BRSK2: variants seen among roughly 807,000 people sequenced by gnomAD.
The protein encoded by BRSK2 is serine/threonine-protein kinase BRSK2.
Under a neutral mutation model 83.3 loss-of-function variants are expected in BRSK2, and 19 were observed. The ratio of observed to expected loss-of-function variants is 0.23; its 90% CI spans 0.16 to 0.33. BRSK2 has a LOEUF of 0.33. Ranked by LOEUF, BRSK2 falls within the 10% of genes least tolerant of loss-of-function variation. BRSK2 has a pLI of 1.00. For missense variants in BRSK2, 798 were observed against 1,042.3 expected (o/e 0.77, Z 3.23); for synonymous variants, 519 against 435.4 (o/e 1.19, Z -2.39).
Position 1,445,864 on chromosome 11 carries a change from G to A in BRSK2, c.1183G>A (p.Val395Met). The A allele has an allele frequency of 1.2e-6, 2 of 1,611,984 alleles. No individual in the cohort carries two copies. Among genetic ancestry groups the A allele is most frequent in the African/African-American group, 1.3e-5 (1 of 75,048 alleles). ...CAGCGTGACGGACGGCGGCTCCCCG[G>A]TGCCTGCGCGGCGGGCCATTGAGAT... ...VLSVTDGGSP[V>M]PARRAIEMAQ... The change falls in exon 12 of 20, where the codon GTG becomes ATG. Residue 395 changes from valine to methionine, a missense_variant. Physicochemically the swap from Val to Met is conservative, Grantham distance 21 (BLOSUM62 1). Around this residue, in one of 6 missense-constraint regions of BRSK2, gnomAD observed 51 missense variants for 52.6 expected, o/e 0.97. Transcript: ENST00000528841.
chr11:1,403,041 C>A (rs1846598981), intron 1 of BRSK2, among the ~76,000 whole-genome samples: 1 of 152,158 alleles, frequency 6.6e-6, no homozygotes, highest in Non-Finnish European at 1.5e-5. Flanking sequence ...GGCGGGACCC[C>A]CCGGGGCCAC....
chr11:1,443,289 CGCCCT>C (rs776875093), intron 6 of BRSK2, 41 bp from the exon 7 acceptor site: 6 of 1,565,322 alleles, frequency 3.8e-6, no homozygotes, highest in Non-Finnish European at 2.6e-6. Context: ...CCAAGGCCCC[CGCCCT>C]GCCCTGCGCC....
At position 1,442,622 on chromosome 11, in the gene BRSK2, C is replaced by G. The variant is rs779677513; in HGVS notation, c.530+16C>G. ...CCAGCTGTGGGTACGTGGCCCTCTG[C>G]CCTGGAGAGAGGCTGGGGGACAGGC... On this transcript the variant is annotated intron_variant, in intron 5 of 19. Coordinates refer to ENST00000528841, the MANE Select transcript of BRSK2 (RefSeq NM_001256627.2). 4 of 1,588,270 alleles carry G rather than the reference C, an allele frequency of 2.5e-6. No individual in the cohort carries two copies. In the Admixed American group the frequency reaches 6.7e-5, roughly 27 times the overall value.
chr11:1,456,908 T>C (rs1317373407), intron 18 of BRSK2: 1 of 1,579,506 alleles, frequency 6.3e-7, no homozygotes, highest in Non-Finnish European at 8.6e-7. Context: ...GCCAGGGACA[T>C]AGGGCGCAGC....
chr11:1,434,779 TC>T (rs1321096499), intron 1 of BRSK2, among the ~76,000 whole-genome samples: 1 of 151,964 alleles, frequency 6.6e-6, no homozygotes, highest in Non-Finnish European at 1.5e-5. Context: ...GATAACCTGA[TC>T]CCCCCATGGT....
chr11:1,433,748 C>T (rs76355760), intron 1 of BRSK2, among the ~76,000 whole-genome samples: 3,863 of 152,330 alleles, frequency 0.025, 112 homozygotes, highest in African/African-American at 0.074. Flanking sequence ...GAATCACAAG[C>T]CTTGTGCTGG....
intron 12 of BRSK2, among the ~76,000 whole-genome samples, chr11:1,447,257 A>G (rs957341578): frequency 1.3e-5 from 2 of 152,158 alleles, no homozygotes; most frequent in Admixed American, 1.3e-4. Context: ...CACAACCTGT[A>G]GCCCAGGTGC....
At chr11:1,433,227 T>C (rs962262617) in intron 1 of BRSK2, among the ~76,000 whole-genome samples, 4 of 152,236 alleles carry the variant, frequency 2.6e-5, no homozygotes, top group Admixed American at 6.5e-5. Flanking sequence ...GGGCCATCTT[T>C]TGTGAAAATG....
chr11:1,410,524 A>C, intron 1 of BRSK2: 1 of 985,402 alleles, frequency 1.0e-6, no homozygotes, highest in South Asian at 4.7e-5. Flanking sequence ...CGGTGCTTCA[A>C]AGGCCTCACT....
At chr11:1,422,655 TC>T (rs1848749581) in intron 1 of BRSK2, among the ~76,000 whole-genome samples, 1 of 152,112 alleles carries the variant, frequency 6.6e-6, no homozygotes, top group Non-Finnish European at 1.5e-5. Context: ...AGGACACTCC[TC>T]CCTGACAGTC....
Position 1,453,215 on chromosome 11 carries a change from A to G in BRSK2, c.1545-1270A>G, listed in dbSNP as rs188801937. ...AGACTAGTGTCCGGCCAGGCTGTGC[A>G]CTGCCCACCACGTGGGTGCTGGAGT... On this transcript the variant is annotated intron_variant, in intron 15 of 19. Transcript: ENST00000528841. 1.9e-3 allele frequency among the ~76,000 whole-genome samples: 284 copies of G among 152,370 alleles called. 1 individual carries two copies. Among genetic ancestry groups the G allele is most frequent in the Admixed American group, 6.8e-3 (104 of 15,304 alleles).
intron 16 of BRSK2, among the ~76,000 whole-genome samples, chr11:1,455,230 C>T (rs1846344241): frequency 6.6e-6 from 1 of 152,094 alleles, no homozygotes; most frequent in Admixed American, 6.5e-5. Context: ...GCACCCAGTC[C>T]CATCAGGACG....
At position 1,443,318 on chromosome 11, in the gene BRSK2, G is replaced by C; in HGVS notation, c.565-17G>C. 6.2e-7 allele frequency: 1 copy of C among 1,601,844 alleles called. No homozygotes were observed. Among genetic ancestry groups the C allele is most frequent in the Non-Finnish European group, 8.5e-7 (1 of 1,175,578 alleles). On this transcript the variant is annotated splice_polypyrimidine_tract_variant and intron_variant, in intron 6 of 19. Transcript: ENST00000528841. ...CTGCCCTGCGCCCCCCAACAGCCCG[G>C]GCACTGCTGTCCACAGGGGGAGAAG...
intron 1 of BRSK2, among the ~76,000 whole-genome samples, chr11:1,412,032 T>A (rs1590365369): frequency 2.0e-5 from 2 of 99,678 alleles, no homozygotes. Context: ...CGCCCCGTCC[T>A]GCGGTGGGTG....
At position 1,423,709 on chromosome 11, in the gene BRSK2, G is replaced by A. The variant is rs557257052; in HGVS notation, c.92-12331G>A. Reference sequence around the variant, plus strand: ...GTTCCGGGTGCCCCAGGCCTCCCCCGCTGGGCGTTCCGGGTGCCCCAGGCC... The same window carrying A: ...GTTCCGGGTGCCCCAGGCCTCCCCCACTGGGCGTTCCGGGTGCCCCAGGCC... On this transcript the variant is annotated intron_variant, in intron 1 of 19. Transcript: ENST00000528841. This position sits in a 1 kb window ranked among gnomAD's most constrained non-coding sequence, Gnocchi z 6.5. Among the ~76,000 whole-genome samples the A allele has an allele frequency of 2.0e-5, 3 of 150,486 alleles. No homozygotes were observed. The highest frequency in any genetic ancestry group is 6.6e-5 in the Admixed American group (1 of 15,144).
At position 1,390,870 on chromosome 11, in the gene BRSK2, G is replaced by C. The variant is rs1409934612; in HGVS notation, c.91+495G>C. ...CGGGCAGGCCCGATCTCCCTCCGCG[G>C]TGGGGGCGGGAGAGTGCGGGGACCT... On this transcript the variant is annotated intron_variant, in intron 1 of 19. Transcript: ENST00000528841. The surrounding 1 kb of genome is among the most constrained non-coding windows in gnomAD (Gnocchi z 6.8). Among the ~76,000 whole-genome samples, 1 of 152,216 alleles carries C rather than the reference G, an allele frequency of 6.6e-6. No individual in the cohort carries two copies. The highest frequency in any genetic ancestry group is 1.5e-5 in the Non-Finnish European group (1 of 68,016).
chr11:1,459,055 A>C, intron 18 of BRSK2, 137 bp from the exon 19 acceptor site: 4 of 612,174 alleles, frequency 6.5e-6, no homozygotes, highest in Admixed American at 2.4e-5. Context: ...CCCCCCCAGT[A>C]TTCCCCACCC....
intron 2 of BRSK2, 33 bp downstream of exon 2, chr11:1,436,167 C>T (rs955365757): frequency 1.1e-4 from 6 of 56,910 alleles, no homozygotes; most frequent in Admixed American, 5.6e-4. Context: ...GCGGGGCCGG[C>T]GGTGGGGTGG....
chr11:1,447,057 C>T (rs1329341085), intron 12 of BRSK2, among the ~76,000 whole-genome samples: 2 of 151,916 alleles, frequency 1.3e-5, no homozygotes, highest in African/African-American at 2.4e-5. Context: ...GCCATGGCCC[C>T]CTGGGAGTCC....
Sources: allele counts gnomAD v4.1 joint callset (sites outside exome capture counted in the v4.1 genomes callset), GRCh38; gene constraint gnomAD v4.1.1; regional missense constraint gnomAD v4.1.1; non-coding constraint Gnocchi (gnomAD v3.1); transcripts MANE v1.5; gene names NCBI Gene and HGNC (gene_info 2026-07-23, HGNC 2026-07-21).